ABHD5: variants seen among roughly 807,000 people sequenced by gnomAD.
ABHD5 encodes the protein abhydrolase domain containing 5, lysophosphatidic acid acyltransferase.
Under a neutral mutation model 44.9 loss-of-function variants are expected in ABHD5, and 30 were observed. That is an observed-to-expected ratio of 0.67 (90% confidence interval 0.50 to 0.91). The LOEUF (loss-of-function observed/expected upper bound fraction) is 0.91, where lower values mean the gene tolerates loss of function less well. Ranked by LOEUF, ABHD5 falls within the 40% of genes least tolerant of loss-of-function variation. ABHD5 has a pLI of 0.00. For synonymous variants in ABHD5, 167 were observed against 147.0 expected (o/e 1.14, Z -0.99); for missense variants, 399 against 423.4 (o/e 0.94, Z 0.50).
intron 5 of ABHD5, 49 bp downstream of exon 5, chr3:43,715,107 G>GTT (rs776930013): frequency 8.4e-7 from 1 of 1,192,896 alleles, no homozygotes; most frequent in South Asian, 1.2e-5. Flanking sequence ...GTGTGTGTGT[G>GTT]TGTGTGTGTG....
At chr3:43,725,876 G>C (rs531507894), downstream of ABHD5, among the ~76,000 whole-genome samples, 6 of 146,894 alleles carry the variant, frequency 4.1e-5, no homozygotes, top group Admixed American at 3.4e-4. Flanking sequence ...TTGTTTTTTT[G>C]GTTTTTTGTT....
At chr3:43,705,875 T>C (rs2149598587) in intron 3 of ABHD5, among the ~76,000 whole-genome samples, 1 of 152,314 alleles carries the variant, frequency 6.6e-6, no homozygotes, top group African/African-American at 2.4e-5. Flanking sequence ...TTGTTAACTT[T>C]TTATTAAAAA....
intron 4 of ABHD5, 103 bp from the exon 5 acceptor site, chr3:43,714,844 A>G: frequency 2.6e-6 from 2 of 759,678 alleles, no homozygotes; most frequent in Non-Finnish European, 4.6e-6. Flanking sequence ...ATGTGTGCAT[A>G]TAACACTCAT....
In ABHD5 at chr3:43,720,369, T is replaced by C. The variant is rs1329905996; in HGVS notation, c.*1837T>C. Reference sequence around the variant, plus strand: ...CCTTGGAAGGAAGAAGTTCCTTCGTTTACTTAGTGAATGGAGTTTCTGGCC... The same window carrying C: ...CCTTGGAAGGAAGAAGTTCCTTCGTCTACTTAGTGAATGGAGTTTCTGGCC... On this transcript the variant is annotated 3_prime_UTR_variant, in exon 7 of 7. Transcript: ENST00000644371. 1 of 152,192 alleles carries C rather than the reference T, an allele frequency of 6.6e-6. No homozygotes were observed. The highest frequency in any genetic ancestry group is 1.9e-4 in the East Asian group (1 of 5,204). 9.4% of individuals were successfully genotyped at this position (152,192 alleles called of 1,614,324 possible).
chr3:43,711,153 G>A (rs1028154462), intron 3 of ABHD5, among the ~76,000 whole-genome samples: 2 of 152,188 alleles, frequency 1.3e-5, no homozygotes, highest in East Asian at 1.9e-4. Context: ...TTCAGTCCAC[G>A]TTACGTTATC....
At chr3:43,705,752 G>A (rs189207733) in intron 3 of ABHD5, among the ~76,000 whole-genome samples, 2 of 152,238 alleles carry the variant, frequency 1.3e-5, no homozygotes, top group East Asian at 1.9e-4. Flanking sequence ...TAAATGGAGA[G>A]GACAGGGAAA....
chr3:43,721,208 A>G lies in ABHD5; in HGVS notation c.*2676A>G, dbSNP rs1228412327. On this transcript the variant is annotated 3_prime_UTR_variant, in exon 7 of 7. Coordinates refer to ENST00000644371, the MANE Select transcript of ABHD5 (RefSeq NM_016006.6). ...TCATTCAGAGAAAAAGGCTTTAAAAATGGTGTTGAGAGAAGTGTGGTTAAC... is the reference window on the plus strand; with the variant it reads ...TCATTCAGAGAAAAAGGCTTTAAAAGTGGTGTTGAGAGAAGTGTGGTTAAC... 1 of 152,154 alleles carries G rather than the reference A, an allele frequency of 6.6e-6. No individual in the cohort carries two copies. The highest frequency in any genetic ancestry group is 2.4e-5 in the African/African-American group (1 of 41,442). 9.4% of individuals were successfully genotyped at this position (152,154 alleles called of 1,614,324 possible).
At chr3:43,691,154 C>T in intron 1 of ABHD5, 115 bp downstream of exon 1, 5 of 1,090,562 alleles carry the variant, frequency 4.6e-6, no homozygotes, top group Non-Finnish European at 6.0e-6. Context: ...CGACGACGGG[C>T]GGCTTCCTCG....
At chr3:43,709,666 C>G (rs2084663698) in intron 3 of ABHD5, among the ~76,000 whole-genome samples, 1 of 152,164 alleles carries the variant, frequency 6.6e-6, no homozygotes, top group Admixed American at 6.5e-5. Flanking sequence ...CTGCTTTCAA[C>G]TAGGTGGCTG....
At chr3:43,725,178 A>G (rs2149610824), downstream of ABHD5, among the ~76,000 whole-genome samples, 1 of 152,258 alleles carries the variant, frequency 6.6e-6, no homozygotes, top group African/African-American at 2.4e-5. Flanking sequence ...CCAATACAAA[A>G]CTGCCCTTTT....
At chr3:43,696,781 G>A (rs1308959077) in intron 1 of ABHD5, among the ~76,000 whole-genome samples, 1 of 152,200 alleles carries the variant, frequency 6.6e-6, no homozygotes, top group African/African-American at 2.4e-5. Context: ...TGGTTAAAGT[G>A]AAACTGGACA....
chr3:43,716,242 G>A (rs2084761324), intron 5 of ABHD5, among the ~76,000 whole-genome samples: 2 of 152,134 alleles, frequency 1.3e-5, no homozygotes, highest in Non-Finnish European at 2.9e-5. Flanking sequence ...GCTATGTTGT[G>A]TACTGGAATT....
intron 1 of ABHD5, among the ~76,000 whole-genome samples, chr3:43,698,194 G>A (rs893493554): frequency 4.6e-5 from 7 of 152,068 alleles, no homozygotes; most frequent in African/African-American, 7.2e-5. Context: ...TAAGAGAGAC[G>A]CCTGGGAATC....
chr3:43,724,160 A>C (rs1454780927), downstream of ABHD5, among the ~76,000 whole-genome samples: 2 of 152,192 alleles, frequency 1.3e-5, no homozygotes, highest in Admixed American at 1.3e-4. Context: ...AACTTTAAAG[A>C]ATAAAAAATA....
intron 7 of ABHD5, among the ~76,000 whole-genome samples, chr3:43,729,945 T>C (rs968372436): frequency 7.2e-5 from 11 of 152,206 alleles, no homozygotes; most frequent in Non-Finnish European, 1.5e-5. Flanking sequence ...CATATTGTAT[T>C]GTTGCAGAGG....
intron 3 of ABHD5, among the ~76,000 whole-genome samples, chr3:43,708,975 A>G (rs962594555): frequency 2.0e-5 from 3 of 152,242 alleles, no homozygotes; most frequent in Non-Finnish European, 4.4e-5. Flanking sequence ...CTGGTTCTTG[A>G]CCATCTAAAT....
chr3:43,716,286 G>A (rs537545756), intron 5 of ABHD5, among the ~76,000 whole-genome samples: 6 of 152,206 alleles, frequency 3.9e-5, no homozygotes, highest in African/African-American at 1.4e-4. Flanking sequence ...GACTCCTGAG[G>A]TTTGTTTCTA....
At chr3:43,728,099 A>G (rs1234176134) in intron 7 of ABHD5, among the ~76,000 whole-genome samples, 3 of 152,184 alleles carry the variant, frequency 2.0e-5, no homozygotes, top group Non-Finnish European at 4.4e-5. Flanking sequence ...AGAGCTTGCA[A>G]CATTTTGTTG....
At chr3:43,700,391 G>A (rs1373587561) in intron 2 of ABHD5, among the ~76,000 whole-genome samples, 1 of 152,082 alleles carries the variant, frequency 6.6e-6, no homozygotes, top group Non-Finnish European at 1.5e-5. Context: ...CTACTTAAAG[G>A]AGTGGATTAG....
Sources: allele counts gnomAD v4.1 joint callset (sites outside exome capture counted in the v4.1 genomes callset), GRCh38; gene constraint gnomAD v4.1.1; transcripts MANE v1.5; gene names NCBI Gene and HGNC (gene_info 2026-07-23, HGNC 2026-07-21).